The following CLASP1 variants were observed in gnomAD, a reference collection of about 807,000 sequenced individuals.
The protein encoded by CLASP1 is cytoplasmic linker associated protein 1, also known as CLIP-associating protein 1.
In CLASP1, 38 loss-of-function variants were observed where a neutral mutation model predicts 192.3. The ratio of observed to expected loss-of-function variants is 0.20; its 90% CI spans 0.15 to 0.26. The LOEUF is 0.26. CLASP1 is among the 10% of genes least tolerant of loss of function. The pLI, the probability that CLASP1 is intolerant of heterozygous loss-of-function variation, is 1.00. For synonymous variants in CLASP1, 691 were observed against 712.8 expected, an observed-to-expected ratio of 0.97 and a Z score of 0.49; for missense variants, 1,433 against 1,932.5, an observed-to-expected ratio of 0.74 and a Z score of 4.85.
chr2:121,598,017 C>T (rs7562793), intron 2 of CLASP1, among the ~76,000 whole-genome samples: 29,136 of 152,122 alleles, frequency 0.19, 5,030 homozygotes, highest in African/African-American at 0.46. Flanking sequence ...CACCACTTTT[C>T]CCTTTCTGCA....
At chr2:121,457,822 GAA>G in intron 13 of CLASP1, 65 bp from the exon 14 acceptor site, 2 of 1,159,728 alleles carry the variant, frequency 1.7e-6, no homozygotes, top group Non-Finnish European at 2.6e-6. Context: ...AAAATTAAGA[GAA>G]TCACTTCCTT....
chr2:121,465,603 AT>A, intron 9 of CLASP1, among the ~76,000 whole-genome samples: 1 of 152,266 alleles, frequency 6.6e-6, no homozygotes, highest in South Asian at 2.1e-4. Context: ...GCCCAAGGTA[AT>A]TTATAGATTC....
chr2:121,433,251 C>T (rs1479407673), intron 19 of CLASP1, among the ~76,000 whole-genome samples: 1 of 149,392 alleles, frequency 6.7e-6, no homozygotes, highest in Non-Finnish European at 1.5e-5. Context: ...GAAACCGGGG[C>T]GGAGGTTGCA....
chr2:121,605,948 C>T (rs2064367541), exon 2 of CLASP1: 6 of 1,541,440 alleles, frequency 3.9e-6, no homozygotes, highest in Non-Finnish European at 5.3e-6. Context: ...CACGATGACT[C>T]CCTCCCAGCA....
intron 2 of CLASP1, among the ~76,000 whole-genome samples, chr2:121,567,751 A>G (rs2059631332): frequency 6.6e-6 from 1 of 152,230 alleles, no homozygotes; most frequent in Non-Finnish European, 1.5e-5. Context: ...TCCTCTCATC[A>G]TGCTATGACT....
At position 121,462,616 on chromosome 2, in the gene CLASP1, G is replaced by C. The variant is rs1313465325; in HGVS notation, c.866-11C>G. ...CTCCTTCTTTTGCAGCTGTAAAAAA[G>C]AATTTTAAAAATGTAAACAATATGA... On this transcript the variant is annotated splice_polypyrimidine_tract_variant and intron_variant, in intron 9 of 39. Transcript: ENST00000263710. The C allele has an allele frequency of 6.4e-7, 1 of 1,565,298 alleles. No individual in the cohort carries two copies. The highest frequency in any genetic ancestry group is 1.4e-5 in the African/African-American group (1 of 74,000).
intron 23 of CLASP1, 72 bp from the exon 25 acceptor site, chr2:121,411,041 G>T: frequency 1.1e-6 from 1 of 926,246 alleles, no homozygotes; most frequent in Non-Finnish European, 1.6e-6. Flanking sequence ...AAGGACTACT[G>T]CCTCTTCCCA....
chr2:121,619,006 T>C (rs982718315), intron 1 of CLASP1, among the ~76,000 whole-genome samples: 6 of 152,228 alleles, frequency 3.9e-5, no homozygotes, highest in Non-Finnish European at 8.8e-5. Context: ...AAGCTGGAAT[T>C]ACTCAAGTAT....
At chr2:121,345,027 C>T (rs997937070) in intron 39 of CLASP1, among the ~76,000 whole-genome samples, 5 of 152,168 alleles carry the variant, frequency 3.3e-5, no homozygotes, top group Non-Finnish European at 7.3e-5. Flanking sequence ...GGCGTGGTGG[C>T]GCACGCCTGT....
intron 7 of CLASP1, among the ~76,000 whole-genome samples, chr2:121,511,518 G>A (rs2094134238): frequency 6.6e-6 from 1 of 151,872 alleles, no homozygotes; most frequent in Non-Finnish European, 1.5e-5. Flanking sequence ...AACCCAGGAG[G>A]TGGAGGTTGC....
chr2:121,371,543 T>C (rs562462435), intron 34 of CLASP1, among the ~76,000 whole-genome samples: 1 of 152,162 alleles, frequency 6.6e-6, no homozygotes, highest in East Asian at 1.9e-4. Context: ...TTGGAAAAAG[T>C]AACCCCTCAC....
At chr2:121,410,933 C>T (rs1485283041) in exon 24 of CLASP1, 1 of 1,611,220 alleles carries the variant, frequency 6.2e-7, no homozygotes, top group South Asian at 1.1e-5. Context: ...ATTCACAGAA[C>T]CAGGTATTCT....
intron 2 of CLASP1, among the ~76,000 whole-genome samples, chr2:121,549,981 G>A (rs1575890691): frequency 1.4e-5 from 2 of 147,072 alleles, no homozygotes. Flanking sequence ...ACTCCAGCCT[G>A]GGTGACAGAG....
chr2:121,399,132 T>C (rs990186112), intron 28 of CLASP1, among the ~76,000 whole-genome samples: 6 of 152,262 alleles, frequency 3.9e-5, no homozygotes, highest in Non-Finnish European at 1.5e-5. Context: ...TTAGAGATTT[T>C]TCCCAATCTA....
intron 1 of CLASP1, among the ~76,000 whole-genome samples, chr2:121,648,160 G>A (rs759430717): frequency 9.2e-5 from 14 of 152,308 alleles, no homozygotes; most frequent in Non-Finnish European, 2.1e-4. Flanking sequence ...CAATATCCAG[G>A]ATCCCTCATA....
intron 14 of CLASP1, among the ~76,000 whole-genome samples, chr2:121,453,501 C>G (rs928204213): frequency 1.3e-5 from 2 of 152,104 alleles, no homozygotes; most frequent in African/African-American, 2.4e-5. Flanking sequence ...GTAGAGCAAG[C>G]CTTTTCAAAG....
chr2:121,545,912 TAA>T lies in CLASP1; in HGVS notation c.196-15589_196-15588del, dbSNP rs34508121. Among the ~76,000 whole-genome samples the T allele has an allele frequency of 5.2e-3, 768 of 147,204 alleles. 2 individuals carry two copies. Among genetic ancestry groups the T allele is most frequent in the African/African-American group, 0.017 (694 of 40,778 alleles). ...ATTCTATTATAGTTTGCTCATTACT[TAA>T]AAAAAAAAAACTTTCTTTAATTGGA... On this transcript the variant is annotated intron_variant, in intron 2 of 39. Transcript: ENST00000263710.
At chr2:121,572,397 CAGCCTGGGCAGCAGAGCG>C (rs2060062300) in intron 2 of CLASP1, among the ~76,000 whole-genome samples, 2 of 152,184 alleles carry the variant, frequency 1.3e-5, no homozygotes, top group Admixed American at 1.3e-4. Flanking sequence ...CAATGCACTC[CAGCCTGGGCAGCAGAGCG>C]AGACTCCTTC....
chr2:121,528,841 G>T, intron 3 of CLASP1, 61 bp from the exon 4 acceptor site: 2 of 1,252,320 alleles, frequency 1.6e-6, no homozygotes, highest in Non-Finnish European at 2.3e-6. Context: ...TGGTCACCAA[G>T]TATTCCTATC....
Sources: gnomAD v4.1 joint callset for allele counts (sites outside exome capture counted in the v4.1 genomes callset) on GRCh38, gnomAD v4.1.1 for gene constraint, MANE v1.5 for transcripts, NCBI Gene and HGNC (gene_info 2026-07-23, HGNC 2026-07-21) for gene names.